The following PHACTR1 variants were observed in gnomAD, a reference collection of about 807,000 sequenced individuals.
The protein encoded by PHACTR1 is phosphatase and actin regulator 1, also known as RPEL repeat containing 1.
PHACTR1 carries 16 observed loss-of-function variants against 69.2 expected under a neutral mutation model. That is an observed-to-expected ratio of 0.23 (90% CI 0.16 to 0.35). The LOEUF (loss-of-function observed/expected upper bound fraction) is 0.35, where lower values mean the gene tolerates loss of function less well. Ranked by LOEUF, PHACTR1 falls within the 10% of genes least tolerant of loss-of-function variation. PHACTR1 has a pLI of 1.00. For synonymous variants in PHACTR1, 312 were observed against 284.5 expected (o/e 1.10, Z -0.97); for missense variants, 510 against 734.7 (o/e 0.69, Z 3.54).
intron 4 of PHACTR1, among the ~76,000 whole-genome samples, chr6:13,014,840 C>T (rs1239735875): frequency 2.0e-5 from 3 of 152,192 alleles, no homozygotes; most frequent in African/African-American, 7.2e-5. Flanking sequence ...GGGCTGCCAG[C>T]GACTCTGGGC....
intron 8 of PHACTR1, among the ~76,000 whole-genome samples, chr6:13,217,405 G>A (rs1220715487): frequency 6.6e-6 from 1 of 152,176 alleles, no homozygotes; most frequent in African/African-American, 2.4e-5. Context: ...ACACTCACCA[G>A]CGTCTAGGGA....
intron 5 of PHACTR1, among the ~76,000 whole-genome samples, chr6:13,073,474 A>G (rs1410571184): frequency 6.6e-6 from 1 of 150,480 alleles, no homozygotes; most frequent in Non-Finnish European, 1.5e-5. Flanking sequence ...CTCCCAAGTA[A>G]CTGAGACTAC....
At chr6:13,232,050 T>G (rs891020436) in intron 10 of PHACTR1, among the ~76,000 whole-genome samples, 1 of 152,254 alleles carries the variant, frequency 6.6e-6, no homozygotes, top group Non-Finnish European at 1.5e-5. Flanking sequence ...ACTAGGTGTA[T>G]AGCCTTAAGT....
chr6:12,817,699 T>G (rs1775741499), intron 4 of PHACTR1, among the ~76,000 whole-genome samples: 1 of 152,030 alleles, frequency 6.6e-6, no homozygotes, highest in Non-Finnish European at 1.5e-5. Flanking sequence ...AACAGTAAGG[T>G]GGAAGATGTG....
At chr6:12,965,092 G>T (rs1055778965) in intron 4 of PHACTR1, among the ~76,000 whole-genome samples, 2 of 152,158 alleles carry the variant, frequency 1.3e-5, no homozygotes, top group African/African-American at 4.8e-5. Context: ...ATACCTAATA[G>T]AATGTAAATG....
intron 4 of PHACTR1, among the ~76,000 whole-genome samples, chr6:12,915,738 T>C (rs1786915293): frequency 6.6e-6 from 1 of 152,116 alleles, no homozygotes; most frequent in Non-Finnish European, 1.5e-5. Flanking sequence ...AGTTGCCAAA[T>C]CTTGCTAACA....
At chr6:13,122,618 G>A (rs1029982128) in intron 5 of PHACTR1, among the ~76,000 whole-genome samples, 2 of 152,102 alleles carry the variant, frequency 1.3e-5, no homozygotes, top group Admixed American at 6.5e-5. Flanking sequence ...GAGTAGATGG[G>A]GGTTCATTGT....
At chr6:12,776,093 A>G (rs1321143708) in intron 4 of PHACTR1, among the ~76,000 whole-genome samples, 1 of 152,202 alleles carries the variant, frequency 6.6e-6, no homozygotes, top group African/African-American at 2.4e-5. Context: ...CTGTCTAAAG[A>G]TGTTTTCTCT....
At chr6:13,227,746 A>G in intron 8 of PHACTR1, 70 bp from the exon 9 acceptor site, 11 of 1,549,754 alleles carry the variant, frequency 7.1e-6, no homozygotes, top group Non-Finnish European at 9.6e-6. Context: ...GAGTTTTAAA[A>G]TGGTTTTGAT....
chr6:13,262,622 C>G (rs545754705), intron 10 of PHACTR1, among the ~76,000 whole-genome samples: 1 of 152,238 alleles, frequency 6.6e-6, no homozygotes, highest in East Asian at 1.9e-4. Context: ...TGCCCCAATC[C>G]TCATGGAACT....
chr6:13,063,117 A>G lies in PHACTR1; in HGVS notation c.415+9588A>G, dbSNP rs550358678. 6.6e-4 allele frequency among the ~76,000 whole-genome samples: 100 copies of G among 152,320 alleles called. 2 individuals are homozygous for G. Among genetic ancestry groups the G allele is most frequent in the Admixed American group, 6.1e-3 (93 of 15,284 alleles). ...CTATAGGAAATTCATAAAGGATACCAGCTTACCATATTGAATGTATTTATG... is the reference window on the plus strand; with the variant it reads ...CTATAGGAAATTCATAAAGGATACCGGCTTACCATATTGAATGTATTTATG... On this transcript the variant is annotated intron_variant, in intron 5 of 14. Coordinates refer to ENST00000332995, the MANE Select transcript of PHACTR1 (RefSeq NM_030948.6).
intron 4 of PHACTR1, among the ~76,000 whole-genome samples, chr6:12,921,993 C>G (rs899074432): frequency 3.9e-5 from 6 of 152,318 alleles, no homozygotes; most frequent in East Asian, 1.9e-4. Context: ...AATGATGGTG[C>G]CTGTGCTATC....
intron 5 of PHACTR1, among the ~76,000 whole-genome samples, chr6:13,074,125 C>T (rs1810011064): frequency 6.6e-6 from 1 of 152,162 alleles, no homozygotes; most frequent in South Asian, 2.1e-4. Context: ...CCCGCCTTGG[C>T]CTTCCAAAGT....
At chr6:13,252,930 G>A (rs1490169927) in intron 10 of PHACTR1, 3 of 356,090 alleles carry the variant, frequency 8.4e-6, no homozygotes, top group African/African-American at 4.2e-5. Flanking sequence ...ATTCCTTGGG[G>A]TTTTTGTGTT....
intron 3 of PHACTR1, among the ~76,000 whole-genome samples, chr6:12,731,039 G>A (rs928199530): frequency 1.8e-5 from 2 of 109,904 alleles, no homozygotes; most frequent in South Asian, 6.4e-4. Context: ...TATTTGAGAT[G>A]GAGTCTTGCT....
chr6:12,882,353 C>T (rs1028572963), intron 4 of PHACTR1, among the ~76,000 whole-genome samples: 2 of 151,996 alleles, frequency 1.3e-5, no homozygotes, highest in Admixed American at 6.6e-5. Flanking sequence ...AGAGGGAAGG[C>T]GGATTGAGCA....
intron 5 of PHACTR1, among the ~76,000 whole-genome samples, chr6:13,094,213 A>G (rs963668111): frequency 1.3e-5 from 2 of 151,994 alleles, no homozygotes; most frequent in Non-Finnish European, 2.9e-5. Flanking sequence ...AAATTAGCTA[A>G]ATAGATTTTC....
chr6:13,184,289 C>T (rs1017351361), intron 7 of PHACTR1, among the ~76,000 whole-genome samples: 2 of 152,140 alleles, frequency 1.3e-5, no homozygotes, highest in Non-Finnish European at 2.9e-5. Context: ...ACAGAGCGGA[C>T]CCAGTGGACA....
rs1329241165 is a variant in PHACTR1, at chr6:12,809,881, T to C, written c.250+60091T>C. ...TGTATGATTCTGTTATTCTAACTAA[T>C]GGCTAAAACAATAAATACATTTTAA... On this transcript the variant is annotated intron_variant, in intron 4 of 14. Transcript: ENST00000332995. Among the ~76,000 whole-genome samples, 3 of 152,254 alleles carry C rather than the reference T, an allele frequency of 2.0e-5. No individual in the cohort carries two copies. The East Asian group carries it at 5.8e-4, about 29-fold the overall frequency.
Sources: gnomAD v4.1 joint callset for allele counts (sites outside exome capture counted in the v4.1 genomes callset) on GRCh38, gnomAD v4.1.1 for gene constraint, MANE v1.5 for transcripts, NCBI Gene and HGNC (gene_info 2026-07-23, HGNC 2026-07-21) for gene names.